Variants in AAK1 observed in about 807,000 individuals in gnomAD.
AAK1 encodes the protein AP2-associated protein kinase 1.
A neutral mutation model predicts 116.0 loss-of-function variants in AAK1; 37 were observed. That is an observed-to-expected ratio of 0.32 (90% CI 0.25 to 0.42). The LOEUF (loss-of-function observed/expected upper bound fraction) is 0.42, where lower values mean the gene tolerates loss of function less well. Ranked by LOEUF, AAK1 falls within the 10% of genes least tolerant of loss-of-function variation. The pLI, the probability that AAK1 is intolerant of heterozygous loss-of-function variation, is 1.00. For missense variants in AAK1, 919 were observed against 1,170.6 expected, an observed-to-expected ratio of 0.79 and a Z score of 3.14; for synonymous variants, 458 against 439.9, an observed-to-expected ratio of 1.04 and a Z score of -0.51.
rs1558925637 is a variant in AAK1, at chr2:69,514,762, TGAG to T, written c.1498-16_1498-14del. 4 of 1,562,572 alleles carry T rather than the reference TGAG, an allele frequency of 2.6e-6. No individual in the cohort carries two copies. The highest frequency in any genetic ancestry group is 2.6e-6 in the Non-Finnish European group (3 of 1,153,192). ...GTACTGCCTGAAACTGAGCAAGAAA[TGAG>T]GAGATGAATAAGGGCCTGTCCCAGA... is the stretch of plus-strand genomic sequence containing the variant. On this transcript the variant is annotated splice_polypyrimidine_tract_variant and intron_variant, in intron 12 of 21. Coordinates refer to ENST00000409085, the MANE Select transcript of AAK1 (RefSeq NM_014911.5).
rs181026701 is a variant in AAK1, at chr2:69,483,212, C to T, written c.2366-400G>A. On this transcript the variant is annotated intron_variant, in intron 17 of 21. Transcript: ENST00000409085. ...AAACCTGAGAAAATTCCTTCATAACCCTTTACAGTCAGTGCCTTCCTCTCA... is the reference window on the plus strand; with the variant it reads ...AAACCTGAGAAAATTCCTTCATAACTCTTTACAGTCAGTGCCTTCCTCTCA... Among the ~76,000 whole-genome samples the T allele has an allele frequency of 4.8e-3, 726 of 152,218 alleles. 11 individuals carry two copies. The highest frequency in any genetic ancestry group is 0.012 in the Admixed American group (186 of 15,296).
chr2:69,594,648 G>A, intron 2 of AAK1: 1 of 541,106 alleles, frequency 1.8e-6, no homozygotes, highest in East Asian at 3.2e-5. Context: ...TAGCCAGGTT[G>A]TGAATGCAAA....
At chr2:69,630,551 C>T (rs1002620733) in intron 2 of AAK1, among the ~76,000 whole-genome samples, 1 of 152,222 alleles carries the variant, frequency 6.6e-6, no homozygotes, top group African/African-American at 2.4e-5. Flanking sequence ...TTGCATACAT[C>T]ATTTAATTCT....
At chr2:69,587,476 TA>T (rs199581027) in intron 2 of AAK1, among the ~76,000 whole-genome samples, 2,701 of 130,976 alleles carry the variant, frequency 0.021, 73 homozygotes, top group African/African-American at 0.083. Context: ...TATATATATA[TA>T]TTTTTTTGAT....
At chr2:69,591,407 G>A (rs1439487170) in intron 2 of AAK1, among the ~76,000 whole-genome samples, 1 of 152,058 alleles carries the variant, frequency 6.6e-6, no homozygotes, top group African/African-American at 2.4e-5. Context: ...ACCAGGGAAA[G>A]AGAAATAAGA....
At chr2:69,531,485 T>C (rs1279828231) in intron 6 of AAK1, 3 of 713,940 alleles carry the variant, frequency 4.2e-6, no homozygotes, top group Non-Finnish European at 5.2e-6. Flanking sequence ...AAATCCAACA[T>C]TGTGGACATG....
At chr2:69,639,409 T>G (rs1379103058) in intron 2 of AAK1, among the ~76,000 whole-genome samples, 1 of 152,186 alleles carries the variant, frequency 6.6e-6, no homozygotes, top group African/African-American at 2.4e-5. Flanking sequence ...CATCATGGCA[T>G]CTTTGCTGAG....
chr2:69,583,458 G>C (rs1672629657), intron 2 of AAK1, among the ~76,000 whole-genome samples: 1 of 152,122 alleles, frequency 6.6e-6, no homozygotes. Flanking sequence ...CCCTAATATA[G>C]GCACATTTTT....
chr2:69,461,592 A>AC lies in AAK1; in HGVS notation c.*14276dup. 1 of 430,400 alleles carries AC rather than the reference A, an allele frequency of 2.3e-6. No individual in the cohort carries two copies. The highest frequency in any genetic ancestry group is 1.6e-5 in the South Asian group (1 of 61,240). The allele number at this position is 430,400 out of a possible 1,614,324, so 26.7% of individuals were successfully genotyped here. On this transcript the variant is annotated 3_prime_UTR_variant, in exon 22 of 22. Transcript: ENST00000409085. ...GTCTCCACCCATCATGTCTCCAGTG[A>AC]CAATTTTTTTTTTTTTTTTGAGGCG...
Position 69,549,291 on chromosome 2 carries a change from C to T in AAK1, c.283-4747G>A, listed in dbSNP as rs1317627854. 2.0e-5 allele frequency among the ~76,000 whole-genome samples: 3 copies of T among 152,190 alleles called. No individual in the cohort carries two copies. The South Asian group carries it at 6.2e-4, about 31-fold the overall frequency. On this transcript the variant is annotated intron_variant, in intron 3 of 21. Transcript: ENST00000409085. Reference sequence around the variant, plus strand: ...GGCCGAGACAGGAGAATTGCTTGAACCCAGGAGGTGGAGGTTGCAGTGAGC... The same window carrying T: ...GGCCGAGACAGGAGAATTGCTTGAATCCAGGAGGTGGAGGTTGCAGTGAGC...
In AAK1 at chr2:69,519,152, G is replaced by A. The variant is rs776885130; in HGVS notation, c.1299C>T (p.Ala433=). The A allele has an allele frequency of 3.2e-6, 5 of 1,578,852 alleles. No homozygotes were observed. The highest frequency in any genetic ancestry group is 4.3e-6 in the Non-Finnish European group (5 of 1,161,904). ...GAGTGGGAGGAGCCTGTGGCTGCTT[G>A]GCCTGAGTTTGCGGCAGAGGCTGGC... ...PPSQPLPQTQ[A]KQPQAPPTPQ... The change falls in exon 12 of 22, where the codon GCC becomes GCT. Residue 433 remains alanine (A), a synonymous_variant. Transcript: ENST00000409085.
At chr2:69,630,553 T>C (rs2105257374) in intron 2 of AAK1, among the ~76,000 whole-genome samples, 1 of 152,364 alleles carries the variant, frequency 6.6e-6, no homozygotes, top group South Asian at 2.1e-4. Flanking sequence ...GCATACATCA[T>C]TTAATTCTTA....
At position 69,472,058 on chromosome 2, in the gene AAK1, T is replaced by A. The variant is rs1674700228; in HGVS notation, c.*3811A>T. The A allele has an allele frequency of 1.0e-6, 1 of 985,158 alleles. No homozygotes were observed. The highest frequency in any genetic ancestry group is 1.7e-5 in the African/African-American group (1 of 57,222). The allele number at this position is 985,158 out of a possible 1,614,324, so 61.0% of individuals were successfully genotyped here. On this transcript the variant is annotated 3_prime_UTR_variant, in exon 22 of 22. Transcript: ENST00000409085. Reference sequence around the variant, plus strand: ...AGTGACAACTTCTTTCAGAGGTGTTTTAATACCCATATCTTTCAATGTTTT... The same window carrying A: ...AGTGACAACTTCTTTCAGAGGTGTTATAATACCCATATCTTTCAATGTTTT...
At chr2:69,630,595 T>G (rs1219642135) in intron 2 of AAK1, among the ~76,000 whole-genome samples, 1 of 152,248 alleles carries the variant, frequency 6.6e-6, no homozygotes, top group Non-Finnish European at 1.5e-5. Context: ...TTTACAAATC[T>G]ACATTTTATA....
chr2:69,541,786 G>A (rs527722382), intron 5 of AAK1, among the ~76,000 whole-genome samples: 3 of 152,150 alleles, frequency 2.0e-5, no homozygotes, highest in Non-Finnish European at 2.9e-5. Flanking sequence ...AGGGGATGCT[G>A]ATTCAAGTTA....
intron 2 of AAK1, among the ~76,000 whole-genome samples, chr2:69,577,252 G>T (rs1672351552): frequency 6.6e-6 from 1 of 152,198 alleles, no homozygotes. Context: ...CCTACAAGAG[G>T]ATCCTCCAGC....
Position 69,532,105 on chromosome 2 carries a change from C to T in AAK1, c.592G>A (p.Ala198Thr), listed in dbSNP as rs755622582. The T allele has an allele frequency of 2.1e-5, 34 of 1,613,518 alleles. No homozygotes were observed. Among genetic ancestry groups the T allele is most frequent in the Middle Eastern group, 1.6e-4 (1 of 6,080 alleles). The change falls in exon 6 of 22, where the codon GCC becomes ACC. Residue 198 changes from alanine to threonine, a missense_variant. By Grantham distance (58) the Ala-to-Thr change is moderately conservative. Transcript: ENST00000409085. ...TGTGGATTCTGGAATTTGTTGGTGGCGCTTCCAAAGTCACACAGGACATAG... is the reference window on the plus strand; with the variant it reads ...TGTGGATTCTGGAATTTGTTGGTGGTGCTTCCAAAGTCACACAGGACATAG... ...GHYVLCDFGS[A>T]TNKFQNPQTE...
intron 11 of AAK1, 110 bp from the exon 12 acceptor site, chr2:69,519,350 A>C: frequency 2.2e-6 from 3 of 1,379,514 alleles, no homozygotes; most frequent in Non-Finnish European, 1.9e-6. Context: ...AGAGTATCTC[A>C]AGATTCGTGT....
At chr2:69,639,732 C>G (rs2105274387) in intron 2 of AAK1, among the ~76,000 whole-genome samples, 1 of 152,284 alleles carries the variant, frequency 6.6e-6, no homozygotes, top group South Asian at 2.1e-4. Flanking sequence ...TCTCACACCA[C>G]TCCTCCCTAA....
Sources: allele counts gnomAD v4.1 joint callset (sites outside exome capture counted in the v4.1 genomes callset), GRCh38; gene constraint gnomAD v4.1.1; transcripts MANE v1.5; gene names NCBI Gene and HGNC (gene_info 2026-07-23, HGNC 2026-07-21).